The following PIGU variants were observed in gnomAD, a reference collection of about 807,000 sequenced individuals.
The protein encoded by PIGU is phosphatidylinositol glycan anchor biosynthesis class U.
In PIGU, 24 loss-of-function variants were observed where a neutral mutation model predicts 49.9. The observed-to-expected ratio is 0.48, with a 90% CI of 0.35 to 0.68. The LOEUF (loss-of-function observed/expected upper bound fraction) is 0.68. PIGU is among the 30% of genes least tolerant of loss of function. The probability of loss-of-function intolerance (pLI) is 0.01; values close to 1 mark genes in which losing one functional copy is unlikely to be tolerated. For missense variants in PIGU, 490 were observed against 532.6 expected, an observed-to-expected ratio of 0.92 and a Z score of 0.79; for synonymous variants, 220 against 205.7, an observed-to-expected ratio of 1.07 and a Z score of -0.59.
chr20:34,635,288 G>T (rs2146761402), intron 5 of PIGU, among the ~76,000 whole-genome samples: 1 of 152,334 alleles, frequency 6.6e-6, no homozygotes, highest in South Asian at 2.1e-4. Context: ...AAGAGTTAAA[G>T]CAGCTTAGAT....
At chr20:34,601,932 A>C (rs1422448898) in intron 7 of PIGU, among the ~76,000 whole-genome samples, 1 of 152,216 alleles carries the variant, frequency 6.6e-6, no homozygotes, top group African/African-American at 2.4e-5. Flanking sequence ...AACAGGTGAG[A>C]TTTCATCTTA....
Position 34,606,098 on chromosome 20 carries a change from A to G in PIGU, c.627+9944T>C, listed in dbSNP as rs373280540. 4.6e-5 allele frequency among the ~76,000 whole-genome samples: 7 copies of G among 151,966 alleles called. No homozygotes were observed. The East Asian group carries it at 1.4e-3, about 29-fold the overall frequency. On this transcript the variant is annotated intron_variant, in intron 7 of 11. Coordinates refer to ENST00000217446, the MANE Select transcript of PIGU (RefSeq NM_080476.5). ...GTGAAACCCCGTCTTTACTAAAAAT[A>G]CAAAAAATTAGCCAGGCGTGGTGGC...
intron 6 of PIGU, among the ~76,000 whole-genome samples, chr20:34,620,090 A>T (rs1174869421): frequency 1.3e-5 from 2 of 152,168 alleles, no homozygotes; most frequent in Non-Finnish European, 2.9e-5. Context: ...CACCAAAGGA[A>T]CCTTCTAAAA....
At chr20:34,622,583 C>A (rs1985285321) in intron 6 of PIGU, among the ~76,000 whole-genome samples, 1 of 152,100 alleles carries the variant, frequency 6.6e-6, no homozygotes, top group Non-Finnish European at 1.5e-5. Flanking sequence ...GGAGTCAGAT[C>A]ACGGAGGGCT....
intron 6 of PIGU, among the ~76,000 whole-genome samples, chr20:34,631,739 A>T (rs1568649190): frequency 7.9e-4 from 1 of 1,266 alleles, no homozygotes; most frequent in African/African-American, 3.7e-3. Flanking sequence ...ATATATATAT[A>T]TATATATATA....
intron 6 of PIGU, among the ~76,000 whole-genome samples, chr20:34,628,445 T>G (rs1033660944): frequency 2.0e-5 from 3 of 152,132 alleles, no homozygotes; most frequent in African/African-American, 7.2e-5. Context: ...CATTAGAAAG[T>G]TAATTGTAAT....
intron 7 of PIGU, among the ~76,000 whole-genome samples, chr20:34,594,534 A>G (rs1354420121): frequency 3.3e-5 from 5 of 152,218 alleles, no homozygotes; most frequent in African/African-American, 1.2e-4. Flanking sequence ...TAAGAAAGGC[A>G]TATAAGAGGT....
chr20:34,639,192 G>A (rs1346200701), intron 4 of PIGU, among the ~76,000 whole-genome samples: 1 of 152,104 alleles, frequency 6.6e-6, no homozygotes, highest in East Asian at 1.9e-4. Flanking sequence ...ACAAGGTCAG[G>A]AGATCGAGAC....
chr20:34,590,146 A>C lies in PIGU; in HGVS notation c.628-1539T>G, dbSNP rs141252146. 5.7e-3 allele frequency among the ~76,000 whole-genome samples: 865 copies of C among 152,266 alleles called. 11 individuals are homozygous for C. The highest frequency in any genetic ancestry group is 0.02 in the African/African-American group (825 of 41,540). ...AGAGAAATAATTTATTGTTGTAAGA[A>C]AAAGGAAAATAAGAATTACCAGAAA... On this transcript the variant is annotated intron_variant, in intron 7 of 11. Transcript: ENST00000217446.
intron 9 of PIGU, 75 bp downstream of exon 9, chr20:34,585,362 A>G: frequency 6.7e-7 from 1 of 1,486,188 alleles, no homozygotes; most frequent in Non-Finnish European, 9.2e-7. Context: ...TTTGAAGGCC[A>G]CCCTCAAGGC....
At chr20:34,564,430 A>C (rs1246612679) in intron 11 of PIGU, among the ~76,000 whole-genome samples, 1 of 152,230 alleles carries the variant, frequency 6.6e-6, no homozygotes, top group African/African-American at 2.4e-5. Context: ...CTACTCGGGA[A>C]GCCGAGGCAA....
In PIGU at chr20:34,637,870, A is replaced by G; in HGVS notation, c.428+6T>C. 1 of 1,609,906 alleles carries G rather than the reference A, an allele frequency of 6.2e-7. No homozygotes were observed. Among genetic ancestry groups the G allele is most frequent in the Non-Finnish European group, 8.5e-7 (1 of 1,178,518 alleles). ...CACTAAGCCTGTTTTGTCAGGGAAT[A>G]CTTACAACAGGGCCACTTTCAAAGG... On this transcript the variant is annotated splice_donor_region_variant and intron_variant, in intron 5 of 11. Transcript: ENST00000217446.
At chr20:34,599,534 C>G (rs1450861512) in intron 7 of PIGU, among the ~76,000 whole-genome samples, 1 of 152,186 alleles carries the variant, frequency 6.6e-6, no homozygotes, top group Non-Finnish European at 1.5e-5. Flanking sequence ...GAGTGCTGCA[C>G]TGATGGCAGC....
At chr20:34,601,908 C>T (rs943108170) in intron 7 of PIGU, among the ~76,000 whole-genome samples, 2 of 152,216 alleles carry the variant, frequency 1.3e-5, no homozygotes, top group Non-Finnish European at 2.9e-5. Flanking sequence ...GTTCACACTG[C>T]AAATTTCCCA....
chr20:34,657,038 G>A (rs1986725447), intron 2 of PIGU, 142 bp downstream of exon 2: 2 of 646,334 alleles, frequency 3.1e-6, no homozygotes, highest in Non-Finnish European at 2.7e-6. Flanking sequence ...CTTATGCAGA[G>A]GACATCTAAA....
At chr20:34,566,312 C>T (rs113498755) in intron 11 of PIGU, among the ~76,000 whole-genome samples, 5 of 152,374 alleles carry the variant, frequency 3.3e-5, no homozygotes, top group African/African-American at 4.8e-5. Context: ...GCCCCAGGCC[C>T]GGCACAGGGC....
chr20:34,635,598 G>A (rs758546159), intron 5 of PIGU, among the ~76,000 whole-genome samples: 56 of 152,160 alleles, frequency 3.7e-4, no homozygotes, highest in Non-Finnish European at 4.9e-4. Flanking sequence ...AGAACAAGCC[G>A]GGAGCAGTGG....
intron 1 of PIGU, among the ~76,000 whole-genome samples, chr20:34,657,645 A>G (rs760718463): frequency 2.0e-5 from 3 of 152,108 alleles, no homozygotes; most frequent in Non-Finnish European, 4.4e-5. Context: ...TGCTCATTTG[A>G]GTGACATTTG....
At chr20:34,660,598 A>C (rs550959376) in intron 1 of PIGU, among the ~76,000 whole-genome samples, 1 of 152,220 alleles carries the variant, frequency 6.6e-6, no homozygotes, top group Admixed American at 6.6e-5. Flanking sequence ...AAGCAAACAA[A>C]CAAAAAAGCA....
Sources: gnomAD v4.1 joint callset for allele counts (sites outside exome capture counted in the v4.1 genomes callset) on GRCh38, gnomAD v4.1.1 for gene constraint, MANE v1.5 for transcripts, NCBI Gene and HGNC (gene_info 2026-07-23, HGNC 2026-07-21) for gene names.